The following ZNF577 variants were observed in gnomAD, a reference collection of about 807,000 sequenced individuals.
ZNF577 encodes the protein zinc finger protein 577.
In ZNF577, 14 loss-of-function variants were observed where a neutral mutation model predicts 13.9. The observed-to-expected ratio is 1.00, with a 90% CI of 0.66 to 1.57. ZNF577 has a LOEUF of 1.57. Among genes scored for constraint, ZNF577 ranks in the 40% most tolerant of loss-of-function variants. ZNF577 has a pLI of 0.00. For missense variants in ZNF577, 555 were observed against 579.2 expected, an observed-to-expected ratio of 0.96 and a Z score of 0.43; for synonymous variants, 203 against 202.9, an observed-to-expected ratio of 1.00 and a Z score of 0.00.
At chr19:51,876,504 C>T (rs972669373) in intron 5 of ZNF577, among the ~76,000 whole-genome samples, 4 of 150,328 alleles carry the variant, frequency 2.7e-5, no homozygotes, top group African/African-American at 9.8e-5. Context: ...GTGAGTAAGT[C>T]GACAGAGATG....
chr19:51,840,354 AG>A (rs2084313832), intron 8 of ZNF577: 1 of 152,300 alleles, frequency 6.6e-6, no homozygotes, highest in Admixed American at 6.5e-5. Flanking sequence ...TATTTGAAAA[AG>A]TTTTGGGATC....
intron 9 of ZNF577, among the ~76,000 whole-genome samples, chr19:51,813,119 A>AACAC (rs35245083): frequency 0.045 from 6,116 of 137,086 alleles, 172 homozygotes; most frequent in African/African-American, 0.071. Context: ...GCTCTGTCTC[A>AACAC]ACACACACAC....
At chr19:51,881,966 C>T (rs1025052313) in intron 1 of ZNF577, among the ~76,000 whole-genome samples, 1 of 152,184 alleles carries the variant, frequency 6.6e-6, no homozygotes, top group Non-Finnish European at 1.5e-5. Context: ...GTATCCTTTA[C>T]ACCCAGAGAG....
At chr19:51,878,227 C>G (rs1411390777) in intron 4 of ZNF577, 162 bp downstream of exon 4, 4 of 695,058 alleles carry the variant, frequency 5.8e-6, no homozygotes, top group Non-Finnish European at 8.8e-6. Context: ...CTGAACTGCA[C>G]GCTTATGGTT....
intron 10 of ZNF577, among the ~76,000 whole-genome samples, chr19:51,806,358 A>G (rs774693084): frequency 5.9e-5 from 9 of 152,116 alleles, no homozygotes; most frequent in Non-Finnish European, 1.2e-4. Context: ...GGGCCTTTCC[A>G]TTGTCCTTCT....
chr19:51,823,649 TAGG>T (rs1309408946), intron 9 of ZNF577: 3 of 999,308 alleles, frequency 3.0e-6, no homozygotes, highest in East Asian at 5.2e-5. Context: ...GGTCTGCTGG[TAGG>T]AGGAGGAGCT....
chr19:51,826,088 A>G (rs1393528276), intron 9 of ZNF577: 2 of 157,458 alleles, frequency 1.3e-5, no homozygotes, highest in Non-Finnish European at 2.9e-5. Context: ...TATTAACGTG[A>G]TCATATTATT....
chr19:51,812,423 C>T (rs1215509336), intron 9 of ZNF577, among the ~76,000 whole-genome samples: 1 of 152,116 alleles, frequency 6.6e-6, no homozygotes, highest in Non-Finnish European at 1.5e-5. Flanking sequence ...GCTGTAGTCC[C>T]ATCTATCAGG....
downstream of ZNF577, among the ~76,000 whole-genome samples, chr19:51,864,032 A>G (rs925284613): frequency 2.6e-5 from 4 of 152,244 alleles, no homozygotes; most frequent in African/African-American, 9.6e-5. Flanking sequence ...GCCATTACCA[A>G]TGATAGTGGG....
At chr19:51,839,044 C>T (rs978479353) in intron 9 of ZNF577, among the ~76,000 whole-genome samples, 1 of 152,142 alleles carries the variant, frequency 6.6e-6, no homozygotes, top group Non-Finnish European at 1.5e-5. Flanking sequence ...AAACCAGGCA[C>T]TTTGCTAGCA....
At chr19:51,842,914 C>T (rs939961925) in intron 7 of ZNF577, 2 of 152,230 alleles carry the variant, frequency 1.3e-5, no homozygotes, top group African/African-American at 2.4e-5. Flanking sequence ...GCTTGACAAC[C>T]TGTCAAGAGG....
chr19:51,866,644 T>C (rs1161997837), downstream of ZNF577, among the ~76,000 whole-genome samples: 1 of 152,222 alleles, frequency 6.6e-6, no homozygotes, highest in East Asian at 1.9e-4. Flanking sequence ...TGTGAGAATC[T>C]GTTTTGGCAT....
intron 5 of ZNF577, among the ~76,000 whole-genome samples, 191 bp downstream of exon 5, chr19:51,877,091 A>G (rs1232934066): frequency 2.0e-5 from 3 of 152,206 alleles, no homozygotes; most frequent in Non-Finnish European, 4.4e-5. Flanking sequence ...AAAATAGAAG[A>G]AAGGAAGACA....
chr19:51,877,295 A>G lies in ZNF577; in HGVS notation c.270T>C (p.Ser90=). ...PPGIAEGAAH[S]QICPGFVIQS... ...TCACTCACTTACCTGGACAGATTTG[A>G]CTGTGGGCTGCTCCTTCTGCTATCC... Residue 90 remains serine (S), a synonymous_variant, in exon 5 of 6, where the codon AGT becomes AGC. Transcript: ENST00000638348. The G allele has an allele frequency of 3.7e-6, 6 of 1,613,890 alleles. No homozygotes were observed. The South Asian group carries it at 6.6e-5, about 18-fold the overall frequency.
chr19:51,830,467 C>T (rs2084256199), intron 9 of ZNF577, among the ~76,000 whole-genome samples: 1 of 152,190 alleles, frequency 6.6e-6, no homozygotes, highest in Admixed American at 6.5e-5. Context: ...CTGATTACTG[C>T]AGTGGGACTA....
downstream of ZNF577, among the ~76,000 whole-genome samples, chr19:51,864,918 A>G (rs149136438): frequency 6.6e-6 from 1 of 152,314 alleles, no homozygotes; most frequent in Non-Finnish European, 1.5e-5. Flanking sequence ...AAGTCCATCC[A>G]TCACGCTCAA....
chr19:51,867,189 A>G lies in ZNF577; in HGVS notation c.*5343T>C, dbSNP rs148454898. Among the ~76,000 whole-genome samples, 240 of 152,258 alleles carry G rather than the reference A, an allele frequency of 1.6e-3. 1 individual carries two copies. The highest frequency in any genetic ancestry group is 5.6e-3 in the African/African-American group (234 of 41,526). On this transcript the variant is annotated 3_prime_UTR_variant, in exon 6 of 6. Transcript: ENST00000638348. ...GTTTTCCTTAAATTTTTAAATTACA[A>G]ATGTATGTATTTCCATTTAATAGTT...
chr19:51,854,496 A>ATTTTT (rs780953746), intron 5 of ZNF577, among the ~76,000 whole-genome samples: 32,915 of 122,444 alleles, frequency 0.27, 4,740 homozygotes, highest in South Asian at 0.45. Flanking sequence ...GCCCAGCTAA[A>ATTTTT]TTTTTTTTTT....
rs8113388 is a variant in ZNF577 at position 51,871,986 on chromosome 19, A to G, written c.*546T>C. ...TGTTAGTTTGGTGCAACACTCATAA[A>G]AAACTAACACAATTTTACTTCCATA... On this transcript the variant is annotated 3_prime_UTR_variant, in exon 6 of 6. Coordinates refer to ENST00000638348, the MANE Select transcript of ZNF577 (RefSeq NM_001370449.1). 71,280 of 152,230 alleles carry G rather than the reference A, an allele frequency of 0.47. 17,880 individuals are homozygous for G. Among genetic ancestry groups the G allele is most frequent in the African/African-American group, 0.64 (26,681 of 41,458 alleles). The allele number at this position is 152,230 out of a possible 1,614,324, so 9.4% of individuals were successfully genotyped here. A position where few individuals can be genotyped will look rare whatever the true frequency, so the allele number is the denominator to read the frequency against.
Sources: gnomAD v4.1 joint callset for allele counts (sites outside exome capture counted in the v4.1 genomes callset) on GRCh38, gnomAD v4.1.1 for gene constraint, MANE v1.5 for transcripts, NCBI Gene and HGNC (gene_info 2026-07-23, HGNC 2026-07-21) for gene names.